Variants in PRKN observed in about 807,000 individuals in gnomAD.
PRKN encodes the protein E3 ubiquitin-protein ligase parkin.
Under a neutral mutation model 59.5 loss-of-function variants are expected in PRKN, and 56 were observed. The ratio of observed to expected loss-of-function variants is 0.94; its 90% CI spans 0.76 to 1.18. The LOEUF (loss-of-function observed/expected upper bound fraction) is 1.18. Among genes scored for constraint, PRKN ranks in the 50% most tolerant of loss-of-function variants. The pLI, the probability that PRKN is intolerant of heterozygous loss-of-function variation, is 0.00. For synonymous variants in PRKN, 250 were observed against 222.1 expected (o/e 1.13, Z -1.12); for missense variants, 657 against 596.4 (o/e 1.10, Z -1.06).
At chr6:161,650,174 C>T (rs1472183069) in intron 7 of PRKN, among the ~76,000 whole-genome samples, 1 of 152,188 alleles carries the variant, frequency 6.6e-6, no homozygotes, top group Non-Finnish European at 1.5e-5. Context: ...TGCTTATATG[C>T]CTGACCCACA....
chr6:161,781,558 C>T (rs1790205723), intron 7 of PRKN, among the ~76,000 whole-genome samples: 1 of 152,120 alleles, frequency 6.6e-6, no homozygotes, highest in South Asian at 2.1e-4. Context: ...TAGAGCTTGA[C>T]CACGCAAAAT....
rs890896901 is a variant in PRKN at position 162,160,349 on chromosome 6, A to G, written c.534+40782T>C. Among the ~76,000 whole-genome samples the G allele has an allele frequency of 5.3e-5, 8 of 152,202 alleles. No homozygotes were observed. The East Asian group carries it at 1.5e-3, about 29-fold the overall frequency. On this transcript the variant is annotated intron_variant, in intron 4 of 11. Transcript: ENST00000366898. ...AGAAAATGCTTATTAAAATTCTAGCAAAGCAAATTATAGTGACATAAAACC... is the reference window on the plus strand; with the variant it reads ...AGAAAATGCTTATTAAAATTCTAGCGAAGCAAATTATAGTGACATAAAACC...
chr6:162,130,810 T>A (rs1315368718), intron 4 of PRKN, among the ~76,000 whole-genome samples: 2 of 152,160 alleles, frequency 1.3e-5, no homozygotes, highest in African/African-American at 4.8e-5. Flanking sequence ...AATTTTCTTA[T>A]CTGTAAAATG....
At chr6:162,504,520 C>T (rs922869986) in intron 1 of PRKN, among the ~76,000 whole-genome samples, 1 of 152,106 alleles carries the variant, frequency 6.6e-6, no homozygotes, top group Non-Finnish European at 1.5e-5. Flanking sequence ...ATAGATATGA[C>T]ATCTTGGTGT....
chr6:162,046,528 G>T (rs1784256988), intron 5 of PRKN, among the ~76,000 whole-genome samples: 1 of 152,232 alleles, frequency 6.6e-6, no homozygotes, highest in Admixed American at 6.5e-5. Context: ...TGTGATAGCA[G>T]TGTGAACACT....
At chr6:162,356,534 C>T (rs369831273) in intron 2 of PRKN, among the ~76,000 whole-genome samples, 1 of 137,500 alleles carries the variant, frequency 7.3e-6, no homozygotes, top group African/African-American at 2.9e-5. Flanking sequence ...ATATATAATA[C>T]ATTTTTTTTT....
chr6:162,582,385 T>C (rs1405065251), intron 1 of PRKN, among the ~76,000 whole-genome samples: 1 of 152,260 alleles, frequency 6.6e-6, no homozygotes, highest in Non-Finnish European at 1.5e-5. Flanking sequence ...ATGTTCTGTA[T>C]CATCCAGTTA....
At chr6:161,838,604 C>T (rs560062230) in intron 6 of PRKN, among the ~76,000 whole-genome samples, 1 of 152,358 alleles carries the variant, frequency 6.6e-6, no homozygotes, top group Non-Finnish European at 1.5e-5. Context: ...ACAAGACCAG[C>T]CACCTTCCTC....
At chr6:162,426,104 T>C (rs972937661) in intron 2 of PRKN, among the ~76,000 whole-genome samples, 1 of 152,234 alleles carries the variant, frequency 6.6e-6, no homozygotes, top group African/African-American at 2.4e-5. Context: ...ATCTTTCCTG[T>C]AATTCAGAAA....
chr6:162,578,342 T>A (rs919278083), intron 1 of PRKN, among the ~76,000 whole-genome samples: 1 of 152,176 alleles, frequency 6.6e-6, no homozygotes, highest in South Asian at 2.1e-4. Context: ...TAAAAGGTTA[T>A]GTGTGTGCAT....
In PRKN at chr6:161,561,758, T is replaced by G. The variant is rs1184787604; in HGVS notation, c.933+7597A>C. ...ATCTCTGTGGAATCCTTCCTGTGAG[T>G]GTAAAACAAGTTCTGGCCCTTCGAT... On this transcript the variant is annotated intron_variant, in intron 8 of 11. Coordinates refer to ENST00000366898, the MANE Select transcript of PRKN (RefSeq NM_004562.3). This position sits in a 1 kb window ranked among gnomAD's most constrained non-coding sequence, Gnocchi z 5.0. Among the ~76,000 whole-genome samples the G allele has an allele frequency of 6.6e-6, 1 of 152,130 alleles. No individual in the cohort carries two copies. The highest frequency in any genetic ancestry group is 2.1e-4 in the South Asian group (1 of 4,824).
chr6:161,902,004 C>T (rs1777935047), intron 6 of PRKN, among the ~76,000 whole-genome samples: 4 of 152,196 alleles, frequency 2.6e-5, no homozygotes. Flanking sequence ...GATGCTGACA[C>T]ACGGGGCTTT....
chr6:161,928,238 T>G (rs541946955), intron 6 of PRKN, among the ~76,000 whole-genome samples: 1 of 152,364 alleles, frequency 6.6e-6, no homozygotes, highest in African/African-American at 2.4e-5. Flanking sequence ...CTGTTGTTTA[T>G]AAGCCATTTA....
At chr6:161,844,844 C>T (rs1198296716) in intron 6 of PRKN, among the ~76,000 whole-genome samples, 4 of 152,252 alleles carry the variant, frequency 2.6e-5, no homozygotes, top group Non-Finnish European at 5.9e-5. Flanking sequence ...ATGCTGATGT[C>T]AGCCGTGGAG....
At chr6:161,481,363 G>C (rs1482409403) in intron 9 of PRKN, among the ~76,000 whole-genome samples, 8 of 152,138 alleles carry the variant, frequency 5.3e-5, no homozygotes, top group Admixed American at 5.2e-4. Context: ...CCAGAACTTT[G>C]GGAGGCAGAG....
At chr6:162,427,400 A>T (rs1789288412) in intron 2 of PRKN, among the ~76,000 whole-genome samples, 1 of 152,202 alleles carries the variant, frequency 6.6e-6, no homozygotes, top group Admixed American at 6.5e-5. Flanking sequence ...AAGCAAAAAA[A>T]TTAGAAACAC....
intron 1 of PRKN, among the ~76,000 whole-genome samples, chr6:162,473,565 T>C (rs111656520): frequency 6.6e-6 from 1 of 152,146 alleles, no homozygotes; most frequent in Non-Finnish European, 1.5e-5. Flanking sequence ...AGTAAAAATA[T>C]GCAGATATAA....
intron 1 of PRKN, among the ~76,000 whole-genome samples, chr6:162,667,317 G>A (rs950112736): frequency 2.0e-5 from 3 of 151,962 alleles, no homozygotes; most frequent in Admixed American, 6.6e-5. Flanking sequence ...AATTTTAAAC[G>A]GGTTAATTAC....
At chr6:162,651,330 C>T (rs6932746) in intron 1 of PRKN, among the ~76,000 whole-genome samples, 21,468 of 152,120 alleles carry the variant, frequency 0.14, 2,239 homozygotes, top group African/African-American at 0.28. Context: ...CACATACACA[C>T]GTGCACACCG....
Sources: gnomAD v4.1 joint callset for allele counts (sites outside exome capture counted in the v4.1 genomes callset) on GRCh38, gnomAD v4.1.1 for gene constraint, Gnocchi (gnomAD v3.1) non-coding constraint, MANE v1.5 for transcripts, NCBI Gene and HGNC (gene_info 2026-07-23, HGNC 2026-07-21) for gene names.